Variants in GPC5 observed in about 807,000 individuals in gnomAD.
GPC5 encodes the protein glypican-5.
In GPC5, 47 loss-of-function variants were observed where a neutral mutation model predicts 53.9. The observed-to-expected ratio is 0.87, with a 90% CI of 0.69 to 1.11. The LOEUF is 1.11. Among genes scored for constraint, GPC5 ranks in the 50% most tolerant of loss-of-function variants. GPC5 has a pLI of 0.00. For synonymous variants in GPC5, 286 were observed against 263.3 expected, an observed-to-expected ratio of 1.09 and a Z score of -0.84; for missense variants, 748 against 713.1, an observed-to-expected ratio of 1.05 and a Z score of -0.56.
chr13:91,531,727 A>T (rs1886353662), intron 2 of GPC5, among the ~76,000 whole-genome samples: 1 of 152,220 alleles, frequency 6.6e-6, no homozygotes, highest in South Asian at 2.1e-4. Flanking sequence ...AACTGTGAGA[A>T]GTGTACTCTA....
At chr13:92,476,098 G>C (rs1485852039) in intron 7 of GPC5, among the ~76,000 whole-genome samples, 7 of 152,088 alleles carry the variant, frequency 4.6e-5, no homozygotes, top group African/African-American at 1.4e-4. Flanking sequence ...CCATCAGAGT[G>C]AACAGGCAAC....
At chr13:92,221,721 A>T (rs1447805040) in intron 7 of GPC5, among the ~76,000 whole-genome samples, 1 of 151,544 alleles carries the variant, frequency 6.6e-6, no homozygotes, top group Non-Finnish European at 1.5e-5. Flanking sequence ...TGTTTTTCCT[A>T]TTTTTTTTCC....
intron 6 of GPC5, among the ~76,000 whole-genome samples, chr13:92,142,069 G>A (rs1043358334): frequency 6.6e-6 from 1 of 152,126 alleles, no homozygotes; most frequent in Admixed American, 6.5e-5. Flanking sequence ...CAGTGGGAGG[G>A]ATAGCATTAG....
intron 6 of GPC5, among the ~76,000 whole-genome samples, chr13:91,976,022 C>CA (rs1334249586): frequency 3.3e-5 from 5 of 151,698 alleles, no homozygotes; most frequent in East Asian, 2.0e-4. Flanking sequence ...ATTGCAAGGA[C>CA]AAAAAACCAA....
chr13:92,160,034 C>T (rs1032907085), intron 7 of GPC5, among the ~76,000 whole-genome samples: 1 of 152,128 alleles, frequency 6.6e-6, no homozygotes, highest in African/African-American at 2.4e-5. Flanking sequence ...TCCAGAGTAG[C>T]TGAGATTATA....
intron 6 of GPC5, among the ~76,000 whole-genome samples, chr13:91,915,122 T>C (rs1214365797): frequency 1.3e-5 from 2 of 152,192 alleles, no homozygotes; most frequent in Non-Finnish European, 2.9e-5. Flanking sequence ...ATGATACTAA[T>C]ATTCCAGAGA....
intron 5 of GPC5, among the ~76,000 whole-genome samples, chr13:91,803,921 T>C (rs1208539440): frequency 1.3e-5 from 2 of 150,838 alleles, no homozygotes; most frequent in East Asian, 3.9e-4. Flanking sequence ...TGACAACAAA[T>C]TAGAAAAATA....
intron 7 of GPC5, among the ~76,000 whole-genome samples, chr13:92,282,559 A>C (rs1208076806): frequency 6.6e-6 from 1 of 152,146 alleles, no homozygotes; most frequent in Non-Finnish European, 1.5e-5. Context: ...TTGGCAGAAA[A>C]TCTACAAGCC....
intron 5 of GPC5, among the ~76,000 whole-genome samples, chr13:91,757,075 C>A (rs1274150083): frequency 1.3e-5 from 2 of 151,686 alleles, no homozygotes; most frequent in African/African-American, 4.8e-5. Flanking sequence ...TTGACAGTTT[C>A]TTTTCCTTTA....
intron 1 of GPC5, among the ~76,000 whole-genome samples, chr13:91,401,856 A>G (rs1034483707): frequency 1.3e-5 from 2 of 152,098 alleles, no homozygotes; most frequent in East Asian, 3.8e-4. Flanking sequence ...GCTCCTAAGG[A>G]TGTTTGGATG....
At chr13:92,426,691 C>G (rs530548008) in intron 7 of GPC5, among the ~76,000 whole-genome samples, 4 of 151,834 alleles carry the variant, frequency 2.6e-5, no homozygotes, top group African/African-American at 9.7e-5. Context: ...CAGTATAGCT[C>G]TTATGCTTTG....
At chr13:92,652,942 T>G (rs1309311598) in intron 7 of GPC5, among the ~76,000 whole-genome samples, 1 of 152,090 alleles carries the variant, frequency 6.6e-6, no homozygotes, top group Non-Finnish European at 1.5e-5. Context: ...ATCTCTCCTC[T>G]CCTCAGAACC....
intron 3 of GPC5, among the ~76,000 whole-genome samples, chr13:91,714,359 T>G (rs1279549046): frequency 6.6e-6 from 1 of 152,102 alleles, no homozygotes; most frequent in Non-Finnish European, 1.5e-5. Flanking sequence ...TTGAATACAT[T>G]AGGATACAAT....
intron 7 of GPC5, among the ~76,000 whole-genome samples, chr13:92,247,344 T>C (rs778119229): frequency 1.3e-5 from 2 of 152,150 alleles, no homozygotes; most frequent in African/African-American, 2.4e-5. Context: ...GAAATTAAGA[T>C]GTGGATTAGT....
chr13:92,694,099 G>T (rs547878280), intron 7 of GPC5, among the ~76,000 whole-genome samples: 1 of 152,286 alleles, frequency 6.6e-6, no homozygotes, highest in Admixed American at 6.5e-5. Context: ...TGTGGGGTTG[G>T]GCCTGCAGGT....
At chr13:92,302,475 A>T (rs1212532263) in intron 7 of GPC5, among the ~76,000 whole-genome samples, 2 of 152,014 alleles carry the variant, frequency 1.3e-5, no homozygotes, top group East Asian at 2.0e-4. Context: ...GACCGAGAAT[A>T]AAAAAAATTG....
intron 3 of GPC5, among the ~76,000 whole-genome samples, chr13:91,709,811 A>C (rs949119513): frequency 2.6e-5 from 4 of 152,216 alleles, no homozygotes; most frequent in African/African-American, 9.6e-5. Flanking sequence ...CTGATCATCA[A>C]CTTAAGAAAT....
chr13:92,504,162 A>C (rs1689895626), intron 7 of GPC5, among the ~76,000 whole-genome samples: 1 of 151,984 alleles, frequency 6.6e-6, no homozygotes, highest in Non-Finnish European at 1.5e-5. Context: ...CTAATAAGAT[A>C]TCGTAGCAGG....
intron 2 of GPC5, among the ~76,000 whole-genome samples, chr13:91,550,764 C>T (rs1211146505): frequency 6.6e-6 from 1 of 152,022 alleles, no homozygotes; most frequent in Non-Finnish European, 1.5e-5. Context: ...AAGGGTGGGG[C>T]CAGAGGGAGA....
Sources: allele counts gnomAD v4.1 joint callset (sites outside exome capture counted in the v4.1 genomes callset), GRCh38; gene constraint gnomAD v4.1.1; transcripts MANE v1.5; gene names NCBI Gene and HGNC (gene_info 2026-07-23, HGNC 2026-07-21).